Variants in CNOT6L observed in about 807,000 individuals in gnomAD.
CNOT6L encodes the protein CCR4-NOT transcription complex subunit 6-like.
In CNOT6L, 7 loss-of-function variants were observed where a neutral mutation model predicts 64.0. That is an observed-to-expected ratio of 0.11 (90% CI 0.06 to 0.21). The LOEUF (loss-of-function observed/expected upper bound fraction) is 0.21, where lower values mean the gene tolerates loss of function less well. CNOT6L is among the 10% of genes least tolerant of loss of function. The probability of loss-of-function intolerance (pLI) is 1.00; values close to 1 mark genes in which losing one functional copy is unlikely to be tolerated. For synonymous variants in CNOT6L, 193 were observed against 243.4 expected, an observed-to-expected ratio of 0.79 and a Z score of 1.93; for missense variants, 245 against 669.0, an observed-to-expected ratio of 0.37 and a Z score of 6.99.
chr4:77,796,425 T>C (rs1730859780), intron 1 of CNOT6L, among the ~76,000 whole-genome samples: 1 of 151,992 alleles, frequency 6.6e-6, no homozygotes, highest in Non-Finnish European at 1.5e-5. Flanking sequence ...TGAGTTCTCA[T>C]TAGAGATTGT....
At chr4:77,794,094 G>GT in intron 1 of CNOT6L, among the ~76,000 whole-genome samples, 1 of 135,670 alleles carries the variant, frequency 7.4e-6, no homozygotes, top group Admixed American at 8.2e-5. Flanking sequence ...GGAGGTTGCA[G>GT]TGAGCCCAGA....
upstream of CNOT6L, among the ~76,000 whole-genome samples, chr4:77,820,164 G>A (rs567131545): frequency 1.3e-5 from 2 of 152,266 alleles, no homozygotes; most frequent in South Asian, 4.1e-4. Context: ...ACCCCCGAGG[G>A]CCGGGGGAGA....
At chr4:77,809,198 A>G (rs1318264182) in intron 1 of CNOT6L, among the ~76,000 whole-genome samples, 1 of 152,154 alleles carries the variant, frequency 6.6e-6, no homozygotes, top group Non-Finnish European at 1.5e-5. Flanking sequence ...TTTCTTAACC[A>G]GCTTCAGAAT....
intron 10 of CNOT6L, among the ~76,000 whole-genome samples, chr4:77,728,428 G>C (rs1056661534): frequency 3.3e-5 from 5 of 152,184 alleles, no homozygotes; most frequent in African/African-American, 4.8e-5. Context: ...CAGAAGCAGA[G>C]TGAGGTAAGA....
At chr4:77,805,677 T>C (rs949034144) in intron 1 of CNOT6L, among the ~76,000 whole-genome samples, 1 of 152,222 alleles carries the variant, frequency 6.6e-6, no homozygotes, top group Non-Finnish European at 1.5e-5. Context: ...TATATTACTA[T>C]ATCATATTTT....
At chr4:77,735,438 C>T (rs531999674) in intron 8 of CNOT6L, among the ~76,000 whole-genome samples, 11 of 152,208 alleles carry the variant, frequency 7.2e-5, no homozygotes, top group African/African-American at 2.4e-4. Flanking sequence ...TTCATCCATC[C>T]CCCAAATCCT....
At chr4:77,786,992 G>A (rs964850659) in intron 1 of CNOT6L, among the ~76,000 whole-genome samples, 15 of 151,948 alleles carry the variant, frequency 9.9e-5, no homozygotes, top group South Asian at 2.1e-4. Flanking sequence ...GAGGCCGGGC[G>A]CAGTGGCTCA....
chr4:77,796,889 T>C (rs1730907048), intron 1 of CNOT6L, among the ~76,000 whole-genome samples: 1 of 152,004 alleles, frequency 6.6e-6, no homozygotes, highest in South Asian at 2.1e-4. Flanking sequence ...GAGACCAGCC[T>C]GGACAACATG....
intron 1 of CNOT6L, among the ~76,000 whole-genome samples, chr4:77,809,649 T>G (rs935711419): frequency 2.0e-5 from 3 of 152,142 alleles, no homozygotes; most frequent in Admixed American, 1.3e-4. Context: ...ATATATGAGA[T>G]TCCAACAAAG....
rs183254386 is a variant in CNOT6L, at chr4:77,733,312, A to G, written c.873-1774T>C. On this transcript the variant is annotated intron_variant, in intron 8 of 11. Coordinates refer to ENST00000504123, the MANE Select transcript of CNOT6L (RefSeq NM_144571.3). ...TATTATTAAAAATCCTGATTCACAC[A>G]GCTATAAATGGTAAATAACTGGCCC... 1.7e-3 allele frequency among the ~76,000 whole-genome samples: 257 copies of G among 152,226 alleles called. 1 individual carries two copies. The highest frequency in any genetic ancestry group is 2.7e-3 in the Non-Finnish European group (182 of 67,964).
chr4:77,775,972 C>CA (rs1363680766), intron 2 of CNOT6L, among the ~76,000 whole-genome samples: 2 of 152,082 alleles, frequency 1.3e-5, no homozygotes, highest in Admixed American at 6.5e-5. Context: ...TTTCAATTTG[C>CA]AAAAATAATT....
chr4:77,774,294 AC>A (rs1295567366), intron 3 of CNOT6L, among the ~76,000 whole-genome samples: 26 of 152,030 alleles, frequency 1.7e-4, no homozygotes, highest in African/African-American at 5.6e-4. Context: ...TTTTAGCCCC[AC>A]CCCACCTCAA....
chr4:77,723,952 GA>G (rs1185867570), intron 11 of CNOT6L, among the ~76,000 whole-genome samples: 1 of 152,040 alleles, frequency 6.6e-6, no homozygotes, highest in African/African-American at 2.4e-5. Flanking sequence ...TATGGACAAG[GA>G]AGAAGTAAGC....
chr4:77,715,131 A>G lies in CNOT6L; in HGVS notation c.*5300T>C, dbSNP rs1048044031. ...TAAAAGTGACAGACATACAACTGGA[A>G]AATTATCTAAATTTTGAGAGATTGT... is the stretch of plus-strand genomic sequence containing the variant. On this transcript the variant is annotated 3_prime_UTR_variant, in exon 12 of 12. Coordinates refer to ENST00000504123, the MANE Select transcript of CNOT6L (RefSeq NM_144571.3). 7 of 152,132 alleles carry G rather than the reference A, an allele frequency of 4.6e-5. No individual in the cohort carries two copies. The highest frequency in any genetic ancestry group is 1.7e-4 in the African/African-American group (7 of 41,432). The allele number at this position is 152,132 out of a possible 1,614,324, so 9.4% of individuals were successfully genotyped here.
chr4:77,731,639 A>G (rs903660340), intron 8 of CNOT6L, 101 bp from the exon 9 acceptor site: 9 of 860,544 alleles, frequency 1.0e-5, no homozygotes, highest in Admixed American at 3.1e-5. Context: ...GTCATTTTCT[A>G]GCTGCAAGTG....
intron 6 of CNOT6L, 44 bp downstream of exon 6, chr4:77,748,272 T>A (rs1724431251): frequency 2.3e-6 from 3 of 1,295,538 alleles, no homozygotes; most frequent in East Asian, 2.3e-5. Flanking sequence ...AATAACATTT[T>A]AAGAATTTCT....
chr4:77,754,672 A>C (rs947851785), intron 5 of CNOT6L, among the ~76,000 whole-genome samples: 3 of 151,990 alleles, frequency 2.0e-5, no homozygotes, highest in African/African-American at 7.2e-5. Context: ...ACTTTTTATA[A>C]AGCTGTCCAT....
intron 1 of CNOT6L, among the ~76,000 whole-genome samples, chr4:77,799,587 C>A (rs1428018191): frequency 6.6e-6 from 1 of 151,718 alleles, no homozygotes; most frequent in Non-Finnish European, 1.5e-5. Context: ...CGCCTGTAAT[C>A]CCAGCTATTC....
chr4:77,819,497 G>A, upstream of CNOT6L: 2 of 1,248,084 alleles, frequency 1.6e-6, no homozygotes, highest in South Asian at 1.4e-5. Flanking sequence ...AGGGGAAGCC[G>A]CGGCGGCACA....
Sources: gnomAD v4.1 joint callset for allele counts (sites outside exome capture counted in the v4.1 genomes callset) on GRCh38, gnomAD v4.1.1 for gene constraint, MANE v1.5 for transcripts, NCBI Gene and HGNC (gene_info 2026-07-23, HGNC 2026-07-21) for gene names.